PDE1C: variants seen among roughly 807,000 people sequenced by gnomAD.
The protein encoded by PDE1C is phosphodiesterase 1C.
In PDE1C, 62 loss-of-function variants were observed where a neutral mutation model predicts 93.1. The ratio of observed to expected loss-of-function variants is 0.67; its 90% CI spans 0.54 to 0.82. The LOEUF (loss-of-function observed/expected upper bound fraction) is 0.82. Ranked by LOEUF, PDE1C falls within the 40% of genes least tolerant of loss-of-function variation. The pLI, the probability that PDE1C is intolerant of heterozygous loss-of-function variation, is 0.00. For missense variants in PDE1C, 742 were observed against 884.6 expected (o/e 0.84, Z 2.04); for synonymous variants, 325 against 310.1 (o/e 1.05, Z -0.50).
chr7:32,415,576 G>A (rs575083773), intron 1 of PDE1C, among the ~76,000 whole-genome samples: 58 of 152,260 alleles, frequency 3.8e-4, no homozygotes, highest in African/African-American at 1.3e-3. Flanking sequence ...ACCTTTAGAA[G>A]CAGCCTGGAG....
the PDE1C span, among the ~76,000 whole-genome samples, chr7:31,656,912 G>C: frequency 2.8e-4 from 43 of 151,406 alleles, no homozygotes; most frequent in Non-Finnish European, 5.6e-4. Flanking sequence ...GACCTTTGCT[G>C]TCTTCAGTGC....
the PDE1C span, among the ~76,000 whole-genome samples, chr7:31,627,532 C>T: frequency 1.3e-5 from 2 of 152,030 alleles, no homozygotes. Flanking sequence ...ATGGTGCACA[C>T]CTGTAGTCCC....
intron 1 of PDE1C, among the ~76,000 whole-genome samples, chr7:32,217,646 G>C (rs886856939): frequency 6.6e-6 from 1 of 152,220 alleles, no homozygotes; most frequent in African/African-American, 2.4e-5. Context: ...CCATGGTTGG[G>C]GTTGGGGGAA....
intron 2 of PDE1C, among the ~76,000 whole-genome samples, chr7:31,992,767 C>A (rs1784287025): frequency 6.6e-6 from 1 of 152,128 alleles, no homozygotes; most frequent in African/African-American, 2.4e-5. Context: ...AAGCATGACT[C>A]TTTTTTAAAC....
intron 1 of PDE1C, among the ~76,000 whole-genome samples, chr7:32,325,541 A>G (rs968940274): frequency 6.6e-6 from 1 of 152,212 alleles, no homozygotes; most frequent in Non-Finnish European, 1.5e-5. Context: ...TTTTCCCCTG[A>G]CACTGATTTC....
chr7:32,126,936 C>T (rs566870716), intron 3 of PDE1C, among the ~76,000 whole-genome samples: 33 of 152,220 alleles, frequency 2.2e-4, no homozygotes, highest in African/African-American at 7.2e-4. Flanking sequence ...TTTGGCCAAG[C>T]ATTACTCTGA....
Position 32,195,551 on chromosome 7 carries a change from T to A in PDE1C, c.136+13938A>T, listed in dbSNP as rs548640689. Reference sequence around the variant, plus strand: ...CTGCTTTCAAGATTTCTCTTGAGATTTTAGAAGTTTAATTATGAGGCTGGG... The same window carrying A: ...CTGCTTTCAAGATTTCTCTTGAGATATTAGAAGTTTAATTATGAGGCTGGG... On this transcript the variant is annotated intron_variant, in intron 2 of 18. Transcript: ENST00000396193. Among the ~76,000 whole-genome samples, 15 of 152,224 alleles carry A rather than the reference T, an allele frequency of 9.9e-5. 1 individual carries two copies. The South Asian group carries it at 3.1e-3, about 32-fold the overall frequency.
chr7:31,639,533 T>TA, the PDE1C span, among the ~76,000 whole-genome samples: 1 of 19,172 alleles, frequency 5.2e-5, no homozygotes, highest in Non-Finnish European at 7.8e-5. Context: ...TGTTTGTTTG[T>TA]TTTTGTTTTT....
At chr7:31,895,687 T>C (rs1799213631) in intron 2 of PDE1C, among the ~76,000 whole-genome samples, 1 of 151,610 alleles carries the variant, frequency 6.6e-6, no homozygotes, top group South Asian at 2.1e-4. Context: ...TCCCCACATG[T>C]CAAGGGAGGG....
At chr7:32,412,889 G>T (rs147186906) in intron 1 of PDE1C, among the ~76,000 whole-genome samples, 1,585 of 151,302 alleles carry the variant, frequency 0.01, 27 homozygotes, top group African/African-American at 0.037. Flanking sequence ...TCTAGAAGGG[G>T]TAAGACTAAC....
At chr7:31,654,727 G>C in the PDE1C span, among the ~76,000 whole-genome samples, 3 of 152,132 alleles carry the variant, frequency 2.0e-5, no homozygotes, top group Admixed American at 2.0e-4. Context: ...GAATGGAATA[G>C]GAAAAACTGC....
chr7:31,925,559 A>C (rs1357820715), intron 2 of PDE1C, among the ~76,000 whole-genome samples: 1 of 152,346 alleles, frequency 6.6e-6, no homozygotes, highest in African/African-American at 2.4e-5. Flanking sequence ...ATATGTTCAC[A>C]TAATTACATC....
chr7:32,363,494 A>G (rs967084925), intron 1 of PDE1C, among the ~76,000 whole-genome samples: 1 of 152,232 alleles, frequency 6.6e-6, no homozygotes, highest in African/African-American at 2.4e-5. Context: ...TGAAACCTAA[A>G]TTAATCTGAA....
At chr7:32,412,229 C>T (rs1383635811) in intron 1 of PDE1C, among the ~76,000 whole-genome samples, 1 of 151,864 alleles carries the variant, frequency 6.6e-6, no homozygotes, top group Non-Finnish European at 1.5e-5. Flanking sequence ...CTGAGGCAGG[C>T]GGATTACCTG....
intron 1 of PDE1C, among the ~76,000 whole-genome samples, chr7:32,392,859 A>G (rs1784775138): frequency 6.6e-6 from 1 of 151,896 alleles, no homozygotes; most frequent in South Asian, 2.1e-4. Context: ...GACCAGGCTG[A>G]CCAACATGCA....
upstream of PDE1C, among the ~76,000 whole-genome samples, chr7:32,074,444 G>A (rs776624032): frequency 2.6e-5 from 4 of 152,174 alleles, no homozygotes; most frequent in Admixed American, 6.5e-5. Context: ...TCATTTACAA[G>A]TAAAGACAGA....
chr7:32,321,579 T>TG (rs1265887670), intron 1 of PDE1C, among the ~76,000 whole-genome samples: 7 of 152,344 alleles, frequency 4.6e-5, no homozygotes, highest in Admixed American at 3.9e-4. Flanking sequence ...TCTCTTCAAG[T>TG]GAATTGTTCA....
Position 32,411,280 on chromosome 7 carries a change from G to A in PDE1C, c.310+16542C>T, listed in dbSNP as rs573123449. Among the ~76,000 whole-genome samples, 8 of 152,244 alleles carry A rather than the reference G, an allele frequency of 5.3e-5. No homozygotes were observed. In the East Asian group the frequency reaches 7.7e-4, roughly 15 times the overall value. On this transcript the variant is annotated intron_variant, in intron 1 of 1. Transcript: ENST00000672256. ...GAGTCATGCGTCACTTAATAACAGC[G>A]ATTAGGCGATTTCATTATTGCATGA...
the PDE1C span, among the ~76,000 whole-genome samples, chr7:31,673,920 T>G: frequency 2.0e-5 from 3 of 152,174 alleles, no homozygotes; most frequent in Admixed American, 2.0e-4. Flanking sequence ...GAAGGGCAGG[T>G]AGTAAACATC....
Sources: allele counts gnomAD v4.1 joint callset (sites outside exome capture counted in the v4.1 genomes callset), GRCh38; gene constraint gnomAD v4.1.1; transcripts MANE v1.5; gene names NCBI Gene and HGNC (gene_info 2026-07-23, HGNC 2026-07-21).